NEFH: variants seen among roughly 807,000 people sequenced by gnomAD.
NEFH encodes the protein neurofilament heavy chain.
In NEFH, 58 loss-of-function variants were observed where a neutral mutation model predicts 56.6. The ratio of observed to expected loss-of-function variants is 1.03; its 90% CI spans 0.83 to 1.28. The LOEUF is 1.28. Ranked by LOEUF, NEFH falls within the 50% of genes most tolerant of loss-of-function variation. The pLI is 0.00. For missense variants in NEFH, 1,221 were observed against 1,307.6 expected (o/e 0.93, Z 1.02); for synonymous variants, 542 against 545.8 (o/e 0.99, Z 0.10).
Position 29,480,642 on chromosome 22 carries a change from G to A in NEFH, c.380G>A (p.Gly127Asp), listed in dbSNP as rs766944121. The A allele has an allele frequency of 7.0e-6, 11 of 1,561,292 alleles. No homozygotes were observed. Among genetic ancestry groups the A allele is most frequent in the Admixed American group, 3.7e-5 (2 of 53,888 alleles). ...GAGGCGCACAACCGCAGCCTGGAGG[G>A]CGAGGCTGCGGCGCTGCGGCAGCAG... ...QLEAHNRSLEGEAAALRQQQA... is the reference protein window; with the variant it reads ...QLEAHNRSLEDEAAALRQQQA... The change falls in exon 1 of 4, where the codon GGC (glycine) becomes GAC (aspartate). Residue 127 changes from glycine to aspartate, a missense_variant. Physicochemically the swap from Gly to Asp is moderately conservative, Grantham distance 94 (BLOSUM62 -1). This residue lies in a region of NEFH where 640 missense variants were observed against 555.5 expected (regional missense o/e 1.15). Transcript: ENST00000310624.
At chr22:29,483,129 A>C (rs2063021376) in intron 1 of NEFH, among the ~76,000 whole-genome samples, 1 of 152,098 alleles carries the variant, frequency 6.6e-6, no homozygotes, top group African/African-American at 2.4e-5. Context: ...AATACAAAAA[A>C]TTAGCTGGGC....
chr22:29,485,890 T>G (rs2063041678), intron 3 of NEFH, 43 bp downstream of exon 3: 1 of 1,612,884 alleles, frequency 6.2e-7, no homozygotes. Flanking sequence ...AAAGCTTGTG[T>G]TCCTGCGAGA....
chr22:29,485,845 C>T lies in NEFH; in HGVS notation c.1206C>T (p.Tyr402=), dbSNP rs749476008. 3 of 1,614,064 alleles carry T rather than the reference C, an allele frequency of 1.9e-6. No individual in the cohort carries two copies. The highest frequency in any genetic ancestry group is 3.3e-5 in the Admixed American group (2 of 60,000). ...KMALDIEIAA[Y]RKLLEGEECR... ...CTCTGGATATAGAGATAGCCGCTTA[C>T]AGGTGAGACGCACAGGGGCTGTCAC... Residue 402 remains tyrosine, a splice_region_variant and synonymous_variant, in exon 3 of 4, where the codon TAC becomes TAT. Coordinates refer to ENST00000310624, the MANE Select transcript of NEFH (RefSeq NM_021076.4).
intron 3 of NEFH, among the ~76,000 whole-genome samples, chr22:29,487,694 G>A (rs891596511): frequency 6.6e-6 from 1 of 152,194 alleles, no homozygotes; most frequent in Non-Finnish European, 1.5e-5. Context: ...CAGACCTGCT[G>A]AATCAGAATC....
intron 1 of NEFH, among the ~76,000 whole-genome samples, chr22:29,482,514 G>T (rs1431229832): frequency 6.6e-6 from 1 of 152,234 alleles, no homozygotes; most frequent in Non-Finnish European, 1.5e-5. Context: ...GTGGAGAAAG[G>T]GACAGGGGTT....
Position 29,482,727 on chromosome 22 carries a change from A to T in NEFH, c.884-648A>T, listed in dbSNP as rs2063019235. Among the ~76,000 whole-genome samples, 5 of 152,310 alleles carry T rather than the reference A, an allele frequency of 3.3e-5. No individual in the cohort carries two copies. The South Asian group carries it at 1.0e-3, about 32-fold the overall frequency. Reference sequence around the variant, plus strand: ...ATGGGCCAGGTATCACATCTGAACCACCAGCACTGCCAGGCCCTTGCTAGG... The same window carrying T: ...ATGGGCCAGGTATCACATCTGAACCTCCAGCACTGCCAGGCCCTTGCTAGG... On this transcript the variant is annotated intron_variant, in intron 1 of 3. Coordinates refer to ENST00000310624, the MANE Select transcript of NEFH (RefSeq NM_021076.4).
intron 2 of NEFH, among the ~76,000 whole-genome samples, chr22:29,484,743 A>C (rs1164792098): frequency 6.6e-6 from 1 of 152,090 alleles, no homozygotes; most frequent in Admixed American, 6.5e-5. Context: ...GCAGTCATCA[A>C]TGCCTACCAA....
At chr22:29,481,177 C>T (rs1377186764) in intron 1 of NEFH, 32 bp downstream of exon 1, 2 of 1,526,204 alleles carry the variant, frequency 1.3e-6, no homozygotes, top group African/African-American at 1.4e-5. Context: ...GGGAGGGGCG[C>T]CCCTGCTGAC....
In NEFH at chr22:29,490,042, C is replaced by A. The variant is rs2063071159; in HGVS notation, c.2402C>A (p.Ser801Tyr). Reference sequence around the variant, plus strand: ...GTCAAGTCCCCAGAGAAGGCGAAATCTCCCCTGAAGGAGGATGCCAAGGCC... The same window carrying A: ...GTCAAGTCCCCAGAGAAGGCGAAATATCCCCTGAAGGAGGATGCCAAGGCC... ...EEVKSPEKAKSPLKEDAKAPE... is the reference protein window; with the variant it reads ...EEVKSPEKAKYPLKEDAKAPE... The change falls in exon 4 of 4, where the codon TCT becomes TAT. Residue 801 changes from serine (S) to tyrosine (Y), a missense_variant. Coordinates refer to ENST00000310624, the MANE Select transcript of NEFH (RefSeq NM_021076.4). 6.2e-7 allele frequency: 1 copy of A among 1,613,782 alleles called. No individual in the cohort carries two copies. The highest frequency in any genetic ancestry group is 1.7e-5 in the Admixed American group (1 of 59,980).
chr22:29,486,240 G>T (rs879205980), intron 3 of NEFH, among the ~76,000 whole-genome samples: 1 of 151,548 alleles, frequency 6.6e-6, no homozygotes, highest in Admixed American at 6.6e-5. Flanking sequence ...GGCCAGGCTG[G>T]TCTCAAACTC....
intron 1 of NEFH, among the ~76,000 whole-genome samples, chr22:29,481,777 T>A (rs2063012377): frequency 6.6e-6 from 1 of 152,192 alleles, no homozygotes; most frequent in South Asian, 2.1e-4. Context: ...CATGTTTTAA[T>A]GTCCCCTTTC....
In NEFH at chr22:29,480,917, A is replaced by T. The variant is rs1335027748; in HGVS notation, c.655A>T (p.Lys219Ter). 3 of 1,510,698 alleles carry T rather than the reference A, an allele frequency of 2.0e-6. No individual in the cohort carries two copies. Among genetic ancestry groups the T allele is most frequent in the Non-Finnish European group, 2.6e-6 (3 of 1,137,768 alleles). The allele number at this position is 1,510,698 out of a possible 1,614,324, so 93.6% of individuals were successfully genotyped here. A position where few individuals can be genotyped will look rare whatever the true frequency, so the allele number is the denominator to read the frequency against. ...AEAARVDLQK[K>*]AQALQEECGY... Reference sequence around the variant, plus strand: ...GGCGGCGCGCGTGGACCTGCAGAAGAAGGCGCAGGCGCTGCAGGAGGAGTG... The same window carrying T: ...GGCGGCGCGCGTGGACCTGCAGAAGTAGGCGCAGGCGCTGCAGGAGGAGTG... The change falls in exon 1 of 4, where the codon AAG (lysine) becomes TAG (stop). Residue 219 changes from lysine (K) to a stop codon, truncating the protein, a stop_gained. Transcript: ENST00000310624. LOFTEE classifies it high-confidence loss of function.
Position 29,489,626 on chromosome 22 carries a change from C to T in NEFH, c.1986C>T (p.Ser662=), listed in dbSNP as rs1316953690. Residue 662 remains serine (S), a synonymous_variant, in exon 4 of 4, where the codon TCC becomes TCT. Transcript: ENST00000310624. The part of the protein sequence containing the change: ...AKSPEKEEAK[S]PEKAKSPVKA... Reference sequence around the variant, plus strand: ...CCCCAGAGAAGGAAGAGGCCAAGTCCCCTGAGAAGGCCAAGTCCCCAGTGA... The same window carrying T: ...CCCCAGAGAAGGAAGAGGCCAAGTCTCCTGAGAAGGCCAAGTCCCCAGTGA... The T allele has an allele frequency of 3.7e-6, 6 of 1,600,308 alleles. No individual in the cohort carries two copies. Among genetic ancestry groups the T allele is most frequent in the Middle Eastern group, 3.3e-4 (2 of 5,998 alleles).
At chr22:29,484,748 T>TACCAA (rs2063034163) in intron 2 of NEFH, among the ~76,000 whole-genome samples, 1 of 151,952 alleles carries the variant, frequency 6.6e-6, no homozygotes, top group Non-Finnish European at 1.5e-5. Flanking sequence ...CATCAATGCC[T>TACCAA]ACCAAACCCT....
chr22:29,481,569 C>T (rs2045070436), intron 1 of NEFH, among the ~76,000 whole-genome samples: 1 of 152,186 alleles, frequency 6.6e-6, no homozygotes, highest in South Asian at 2.1e-4. Flanking sequence ...CTGCCATGCC[C>T]TCTCCTACAC....
intron 2 of NEFH, among the ~76,000 whole-genome samples, chr22:29,484,362 G>A (rs1033795308): frequency 1.3e-5 from 2 of 152,126 alleles, no homozygotes; most frequent in Non-Finnish European, 2.9e-5. Flanking sequence ...ACTGGCGGCT[G>A]GGCCTAGTGG....
In NEFH at chr22:29,482,681, T is replaced by C. The variant is rs114681751; in HGVS notation, c.884-694T>C. On this transcript the variant is annotated intron_variant, in intron 1 of 3. Coordinates refer to ENST00000310624, the MANE Select transcript of NEFH (RefSeq NM_021076.4). ...CTTGTTCAGCCACAAACCTGCAGCC[T>C]CCAGCTCAGTGTTAAGCCCCATGGG... Among the ~76,000 whole-genome samples, 853 of 152,326 alleles carry C rather than the reference T, an allele frequency of 5.6e-3. 7 individuals carry two copies. Among genetic ancestry groups the C allele is most frequent in the African/African-American group, 0.019 (794 of 41,582 alleles).
chr22:29,490,921 G>T lies in NEFH; in HGVS notation c.*218G>T, dbSNP rs1201977158. On this transcript the variant is annotated 3_prime_UTR_variant, in exon 4 of 4. Coordinates refer to ENST00000310624, the MANE Select transcript of NEFH (RefSeq NM_021076.4). The stretch of plus-strand genomic sequence containing the variant: ...TGCCCCCAGGCCCTCCCCAGGCGAT[G>T]GACAATTATGATAGCTTATGTAGCT... 1 of 780,328 alleles carries T rather than the reference G, an allele frequency of 1.3e-6. No homozygotes were observed. Among genetic ancestry groups the T allele is most frequent in the Non-Finnish European group, 2.0e-6 (1 of 488,720 alleles). The allele number at this position is 780,328 out of a possible 1,614,324, so 48.3% of individuals were successfully genotyped here.
chr22:29,490,361 G>A lies in NEFH; in HGVS notation c.2721G>A (p.Glu907=). 4 of 1,613,556 alleles carry A rather than the reference G, an allele frequency of 2.5e-6. No homozygotes were observed. Among genetic ancestry groups the A allele is most frequent in the Non-Finnish European group, 3.4e-6 (4 of 1,179,806 alleles). The stretch of plus-strand genomic sequence containing the variant: ...ATAAGAAAAAAGTCCCCACCCCAGA[G>A]AAGGAGGCTCCTGCCAAGGTGGAGG... The part of the protein sequence containing the change: ...AEDKKKVPTP[E]KEAPAKVEVK... Residue 907 remains glutamate, a synonymous_variant, in exon 4 of 4, where the codon GAG becomes GAA. Transcript: ENST00000310624.
Sources: gnomAD v4.1 joint callset for allele counts (sites outside exome capture counted in the v4.1 genomes callset) on GRCh38, gnomAD v4.1.1 for gene constraint, gnomAD v4.1.1 regional missense constraint, MANE v1.5 for transcripts, NCBI Gene and HGNC (gene_info 2026-07-23, HGNC 2026-07-21) for gene names.